Variants in DCDC1 observed in about 807,000 individuals in gnomAD.
DCDC1 encodes the protein doublecortin domain containing 1.
In DCDC1, 200 loss-of-function variants were observed where a neutral mutation model predicts 178.3. The ratio of observed to expected loss-of-function variants is 1.12; its 90% CI spans 1.00 to 1.26. The LOEUF (loss-of-function observed/expected upper bound fraction) is 1.26. Ranked by LOEUF, DCDC1 falls within the 50% of genes most tolerant of loss-of-function variation. The pLI is 0.00. For synonymous variants in DCDC1, 690 were observed against 604.8 expected (o/e 1.14, Z -2.07); for missense variants, 1,983 against 1,749.2 (o/e 1.13, Z -2.38).
rs922789409 is a variant in DCDC1 at position 31,202,395 on chromosome 11, T to G, written c.1221+39055A>C. On this transcript the variant is annotated intron_variant, in intron 9 of 38. Transcript: ENST00000684477. ...CTGGGCAACATGGCAAAACCTCATC[T>G]CCGCAAAAAAAAAAAGAAAAAAAAA... Among the ~76,000 whole-genome samples the G allele has an allele frequency of 9.4e-4, 139 of 147,738 alleles. 2 individuals carry two copies. The highest frequency in any genetic ancestry group is 9.4e-3 in the Admixed American group (139 of 14,820).
rs749469902 is a variant in DCDC1 at position 30,920,910 on chromosome 11, G to A, written c.3159C>T (p.Asp1053=). The A allele has an allele frequency of 1.2e-6, 2 of 1,612,138 alleles. No homozygotes were observed. The highest frequency in any genetic ancestry group is 2.2e-5 in the South Asian group (2 of 90,674). ...IEALVLEVQS[D]IVSGSKLAVH... is the part of the protein sequence containing the mutation. ...CAGCAAGCTTGCTTCCAGATACAATGTCACTTTGGACTTCTAAAACAAGAG... is the reference window on the plus strand; with the variant it reads ...CAGCAAGCTTGCTTCCAGATACAATATCACTTTGGACTTCTAAAACAAGAG... Residue 1053 remains aspartate, a synonymous_variant, in exon 25 of 39, where the codon GAC becomes GAT. Transcript: ENST00000684477.
intron 38 of DCDC1, among the ~76,000 whole-genome samples, chr11:30,865,934 T>C (rs1274312594): frequency 1.3e-5 from 2 of 152,178 alleles, no homozygotes; most frequent in Non-Finnish European, 2.9e-5. Flanking sequence ...CTGATTATTA[T>C]GGGTTGAATT....
At chr11:31,336,921 G>A (rs1950300826) in intron 1 of DCDC1, among the ~76,000 whole-genome samples, 1 of 152,156 alleles carries the variant, frequency 6.6e-6, no homozygotes, top group Non-Finnish European at 1.5e-5. Flanking sequence ...TAACTTTGAT[G>A]AGATGCTGAA....
intron 7 of DCDC1, chr11:31,280,644 A>T: frequency 2.1e-6 from 1 of 476,410 alleles, no homozygotes; most frequent in Non-Finnish European, 4.0e-6. Flanking sequence ...TCTGTTTTGT[A>T]ATAAATAAGG....
At chr11:31,095,628 A>T (rs950195015) in intron 15 of DCDC1, among the ~76,000 whole-genome samples, 1 of 152,166 alleles carries the variant, frequency 6.6e-6, no homozygotes, top group Non-Finnish European at 1.5e-5. Flanking sequence ...CTTTAGAGAT[A>T]GTTGTGGGGA....
intron 11 of DCDC1, among the ~76,000 whole-genome samples, chr11:31,126,349 T>C (rs1045658265): frequency 6.6e-6 from 1 of 152,178 alleles, no homozygotes; most frequent in Admixed American, 6.5e-5. Context: ...CCCTTGACCT[T>C]GATGTCTTGA....
intron 20 of DCDC1, among the ~76,000 whole-genome samples, chr11:30,953,651 C>T (rs1948568585): frequency 6.6e-6 from 1 of 151,886 alleles, no homozygotes; most frequent in Non-Finnish European, 1.5e-5. Flanking sequence ...CAGAATGGTC[C>T]AAAGAAGTGT....
chr11:31,356,567 G>A (rs965000890), intron 1 of DCDC1, among the ~76,000 whole-genome samples: 2 of 150,832 alleles, frequency 1.3e-5, no homozygotes, highest in African/African-American at 2.4e-5. Context: ...GCTACCAGAA[G>A]GCAAGAAATA....
At chr11:31,165,490 T>TTGTAGAGACAGGGTCTCACTA (rs1322282314) in intron 9 of DCDC1, among the ~76,000 whole-genome samples, 8 of 152,180 alleles carry the variant, frequency 5.3e-5, no homozygotes, top group Non-Finnish European at 1.2e-4. Flanking sequence ...TTTTTTATTT[T>TTGTAGAGACAGGGTCTCACTA]TGTAGAGACA....
intron 20 of DCDC1, among the ~76,000 whole-genome samples, chr11:30,971,351 G>T (rs1949765931): frequency 6.6e-6 from 1 of 151,890 alleles, no homozygotes; most frequent in Admixed American, 6.6e-5. Context: ...GCCAGAGAAA[G>T]AATTCAAAAT....
At chr11:31,056,614 A>G (rs896604425) in intron 20 of DCDC1, among the ~76,000 whole-genome samples, 1 of 152,160 alleles carries the variant, frequency 6.6e-6, no homozygotes, top group Non-Finnish European at 1.5e-5. Flanking sequence ...GGCTTAATTG[A>G]CCAGAAAGAT....
At chr11:30,909,281 A>C (rs1239759427) in intron 28 of DCDC1, among the ~76,000 whole-genome samples, 165 bp from the exon 29 acceptor site, 1 of 152,188 alleles carries the variant, frequency 6.6e-6, no homozygotes, top group East Asian at 1.9e-4. Flanking sequence ...GCAATCTTTT[A>C]TATGTTTATA....
intron 20 of DCDC1, among the ~76,000 whole-genome samples, chr11:31,059,555 T>C (rs992570884): frequency 2.0e-5 from 3 of 152,038 alleles, no homozygotes; most frequent in Admixed American, 6.6e-5. Flanking sequence ...GAAAGTATAG[T>C]TGGATTTAAT....
chr11:31,124,771 C>CA (rs982079337), intron 11 of DCDC1, among the ~76,000 whole-genome samples: 1 of 151,904 alleles, frequency 6.6e-6, no homozygotes, highest in African/African-American at 2.4e-5. Flanking sequence ...ACACCTTATA[C>CA]AAAAAACTCA....
At chr11:30,903,779 AT>A (rs1206263820) in intron 31 of DCDC1, 96 bp from the exon 32 acceptor site, 18 of 1,079,732 alleles carry the variant, frequency 1.7e-5, no homozygotes, top group South Asian at 6.0e-5. Flanking sequence ...GAAAAAAAAA[AT>A]AATTGAATTT....
intron 1 of DCDC1, among the ~76,000 whole-genome samples, chr11:31,358,609 G>A (rs1591853156): frequency 6.6e-6 from 1 of 152,114 alleles, no homozygotes; most frequent in East Asian, 1.9e-4. Context: ...AAACTAAAGA[G>A]CTTCTGCACA....
chr11:31,215,007 T>A (rs1973356800), intron 9 of DCDC1, among the ~76,000 whole-genome samples: 2 of 151,960 alleles, frequency 1.3e-5, no homozygotes, highest in African/African-American at 4.8e-5. Flanking sequence ...TAGTTACATA[T>A]TAAACTGATG....
At chr11:31,045,224 C>T (rs2135377621) in intron 20 of DCDC1, among the ~76,000 whole-genome samples, 1 of 152,192 alleles carries the variant, frequency 6.6e-6, no homozygotes, top group African/African-American at 2.4e-5. Flanking sequence ...ACATGTACTT[C>T]TTACAAATAA....
intron 1 of DCDC1, among the ~76,000 whole-genome samples, chr11:31,353,131 A>G (rs190440086): frequency 6.6e-4 from 101 of 152,328 alleles, no homozygotes; most frequent in Non-Finnish European, 4.4e-5. Context: ...TTCCAACTTC[A>G]GTAAATTTGA....
Sources: gnomAD v4.1 joint callset for allele counts (sites outside exome capture counted in the v4.1 genomes callset) on GRCh38, gnomAD v4.1.1 for gene constraint, MANE v1.5 for transcripts, NCBI Gene and HGNC (gene_info 2026-07-23, HGNC 2026-07-21) for gene names.